The following RHOH variants were observed in gnomAD, a reference collection of about 807,000 sequenced individuals.
RHOH encodes the protein ras homolog family member H, also known as rho-related GTP-binding protein RhoH.
In RHOH, 6 loss-of-function variants were observed where a neutral mutation model predicts 13.8. The ratio of observed to expected loss-of-function variants is 0.44; its 90% confidence interval spans 0.24 to 0.86. The LOEUF (loss-of-function observed/expected upper bound fraction) is 0.86, where lower values mean the gene tolerates loss of function less well. Among genes scored for constraint, RHOH ranks in the 40% least tolerant of loss-of-function variants. The pLI is 0.24. For synonymous variants in RHOH, 117 were observed against 103.0 expected (o/e 1.14, Z -0.82); for missense variants, 147 against 244.5 (o/e 0.60, Z 2.66).
At chr4:40,193,607 C>G (rs1023129509), upstream of RHOH, 3 of 152,104 alleles carry the variant, frequency 2.0e-5, no homozygotes, top group African/African-American at 7.3e-5. Context: ...TAGATGGCAA[C>G]CCCCTGTCCC....
At chr4:40,235,662 A>G (rs1728484438) in intron 1 of RHOH, among the ~76,000 whole-genome samples, 1 of 149,800 alleles carries the variant, frequency 6.7e-6, no homozygotes, top group East Asian at 2.0e-4. Flanking sequence ...AGAGAATAGG[A>G]GTAGAGACCT....
chr4:40,234,880 G>T (rs952724508), intron 1 of RHOH, among the ~76,000 whole-genome samples: 1 of 150,934 alleles, frequency 6.6e-6, no homozygotes, highest in Non-Finnish European at 1.5e-5. Flanking sequence ...GTGAGCCACT[G>T]TGCCTGGCCA....
upstream of RHOH, among the ~76,000 whole-genome samples, chr4:40,192,801 G>A (rs1203697593): frequency 2.0e-5 from 3 of 152,272 alleles, no homozygotes; most frequent in South Asian, 4.2e-4. Context: ...GCTGCTCCTC[G>A]TTGCCCACGG....
chr4:40,222,518 A>G (rs1304845989), intron 1 of RHOH, among the ~76,000 whole-genome samples: 1 of 152,238 alleles, frequency 6.6e-6, no homozygotes, highest in Non-Finnish European at 1.5e-5. Context: ...AGCCTGAATG[A>G]CAACACATCT....
chr4:40,207,100 G>T (rs1215289560), intron 1 of RHOH, among the ~76,000 whole-genome samples: 4 of 151,866 alleles, frequency 2.6e-5, no homozygotes, highest in African/African-American at 9.7e-5. Flanking sequence ...CCAGCTACTC[G>T]GGAGGCTGAG....
At chr4:40,198,988 A>G (rs999374982) in intron 1 of RHOH, among the ~76,000 whole-genome samples, 6 of 152,180 alleles carry the variant, frequency 3.9e-5, no homozygotes, top group African/African-American at 1.4e-4. Flanking sequence ...AGCACGGTGA[A>G]TAAGAACCCA....
chr4:40,204,553 GCA>G (rs1312218783), intron 1 of RHOH, among the ~76,000 whole-genome samples: 1 of 152,170 alleles, frequency 6.6e-6, no homozygotes, highest in East Asian at 1.9e-4. Flanking sequence ...AACATTTGCT[GCA>G]CAGTCCTAGG....
At chr4:40,205,113 T>C (rs1306049641) in intron 1 of RHOH, among the ~76,000 whole-genome samples, 1 of 152,092 alleles carries the variant, frequency 6.6e-6, no homozygotes, top group African/African-American at 2.4e-5. Flanking sequence ...AAATACAAAA[T>C]TAGCTGGGCG....
At chr4:40,198,619 G>C (rs932918091) in intron 1 of RHOH, among the ~76,000 whole-genome samples, 4 of 152,188 alleles carry the variant, frequency 2.6e-5, no homozygotes, top group Non-Finnish European at 5.9e-5. Context: ...GCCCTCTACT[G>C]TCTTCCCTTA....
Position 40,243,811 on chromosome 4 carries a change from A to G in RHOH, c.425A>G (p.Asp142Gly). 1 of 1,614,108 alleles carries G rather than the reference A, an allele frequency of 6.2e-7. No individual in the cohort carries two copies. The highest frequency in any genetic ancestry group is 1.7e-5 in the Admixed American group (1 of 60,010). Residue 142 changes from aspartate to glycine, a missense_variant, in exon 3 of 3, where the codon GAT (aspartate) becomes GGT (glycine). Physicochemically the swap from Asp to Gly is moderately conservative, Grantham distance 94. This residue lies in a region of RHOH where 36 missense variants were observed against 30.7 expected (regional missense o/e 1.17). Coordinates refer to ENST00000381799, the MANE Select transcript of RHOH (RefSeq NM_004310.5). This position sits in a 1 kb window ranked among gnomAD's most constrained non-coding sequence, Gnocchi z 6.2. ...ATGGAAGGGAAGAAACTGGCCCAGG[A>G]TGTCAGAGCCAAGGGCTACCTGGAG... ...NAMEGKKLAQ[D>G]VRAKGYLECS...
chr4:40,241,050 A>C (rs371481001), intron 1 of RHOH, among the ~76,000 whole-genome samples: 1 of 152,332 alleles, frequency 6.6e-6, no homozygotes, highest in East Asian at 1.9e-4. Context: ...GAAATGTCTT[A>C]AGAGGTCTTG....
intron 1 of RHOH, among the ~76,000 whole-genome samples, chr4:40,225,528 G>T (rs1727118347): frequency 6.6e-6 from 1 of 152,196 alleles, no homozygotes; most frequent in Non-Finnish European, 1.5e-5. Flanking sequence ...GAGAGAGGTT[G>T]ATAGATGATC....
chr4:40,219,520 C>T (rs1448795544), intron 1 of RHOH, among the ~76,000 whole-genome samples: 1 of 151,296 alleles, frequency 6.6e-6, no homozygotes, highest in Non-Finnish European at 1.5e-5. Flanking sequence ...GCATGAGAAA[C>T]TTAGTCTGAT....
At chr4:40,217,102 G>T (rs911743183) in intron 1 of RHOH, among the ~76,000 whole-genome samples, 2 of 152,182 alleles carry the variant, frequency 1.3e-5, no homozygotes, top group Non-Finnish European at 1.5e-5. Context: ...AAAGAGACCT[G>T]CTCTGAGGAC....
chr4:40,225,914 C>A (rs568880579), intron 1 of RHOH, among the ~76,000 whole-genome samples: 4,670 of 152,192 alleles, frequency 0.031, 209 homozygotes, highest in African/African-American at 0.1. Context: ...TCATCTTGGA[C>A]AAGGTACTTT....
At chr4:40,196,033 G>A (rs1723097922), upstream of RHOH, among the ~76,000 whole-genome samples, 2 of 152,170 alleles carry the variant, frequency 1.3e-5, no homozygotes, top group Non-Finnish European at 2.9e-5. Flanking sequence ...CCTCTACGTG[G>A]AATGTTCTTT....
At chr4:40,238,448 T>C (rs1321606402) in intron 1 of RHOH, among the ~76,000 whole-genome samples, 1 of 151,920 alleles carries the variant, frequency 6.6e-6, no homozygotes, top group Non-Finnish European at 1.5e-5. Flanking sequence ...GAGGAGGAAA[T>C]GGGTTAGGAT....
intron 1 of RHOH, among the ~76,000 whole-genome samples, chr4:40,198,747 T>C (rs1258560907): frequency 1.3e-5 from 2 of 152,240 alleles, no homozygotes; most frequent in Non-Finnish European, 2.9e-5. Flanking sequence ...GTGGCCTTCC[T>C]CTTGGGAGAA....
At chr4:40,241,480 C>A (rs906571337) in intron 1 of RHOH, among the ~76,000 whole-genome samples, 2 of 152,182 alleles carry the variant, frequency 1.3e-5, no homozygotes, top group Non-Finnish European at 2.9e-5. Context: ...GGTCACCTGG[C>A]TTACATGTGT....
Sources: allele counts gnomAD v4.1 joint callset (sites outside exome capture counted in the v4.1 genomes callset), GRCh38; gene constraint gnomAD v4.1.1; regional missense constraint gnomAD v4.1.1; non-coding constraint Gnocchi (gnomAD v3.1); transcripts MANE v1.5; gene names NCBI Gene and HGNC (gene_info 2026-07-23, HGNC 2026-07-21).